RNGTT: variants seen among roughly 807,000 people sequenced by gnomAD.
The protein encoded by RNGTT is RNA guanylyltransferase and 5'-phosphatase.
A neutral mutation model predicts 79.3 loss-of-function variants in RNGTT; 33 were observed. The ratio of observed to expected loss-of-function variants is 0.42; its 90% CI spans 0.32 to 0.56. The LOEUF is 0.56. RNGTT is among the 20% of genes least tolerant of loss of function. The probability of loss-of-function intolerance (pLI) is 0.17; values close to 1 mark genes in which losing one functional copy is unlikely to be tolerated. For synonymous variants in RNGTT, 222 were observed against 235.9 expected (o/e 0.94, Z 0.54); for missense variants, 497 against 739.1 (o/e 0.67, Z 3.80).
At chr6:88,677,498 A>C (rs1774920705) in intron 14 of RNGTT, among the ~76,000 whole-genome samples, 1 of 152,032 alleles carries the variant, frequency 6.6e-6, no homozygotes, top group Admixed American at 6.6e-5. Context: ...GCAGAGTCTC[A>C]CTCTGTCACC....
chr6:88,632,181 C>T lies in RNGTT; in HGVS notation c.1507-17786G>A, dbSNP rs541214596. Among the ~76,000 whole-genome samples, 8 of 152,228 alleles carry T rather than the reference C, an allele frequency of 5.3e-5. No homozygotes were observed. The South Asian group carries it at 1.2e-3, about 24-fold the overall frequency. ...TTCACCATGTTGCCCAGGCTGGTCT[C>T]AAACACCCGGGCTGAAGCAACCCAT... On this transcript the variant is annotated intron_variant, in intron 14 of 15. Transcript: ENST00000369485.
intron 13 of RNGTT, among the ~76,000 whole-genome samples, chr6:88,747,913 T>G (rs1380730889): frequency 2.6e-5 from 4 of 152,126 alleles, no homozygotes; most frequent in Admixed American, 2.6e-4. Flanking sequence ...CTTCCAAGTA[T>G]CACACATTTC....
intron 14 of RNGTT, among the ~76,000 whole-genome samples, chr6:88,617,444 C>T (rs1380416601): frequency 2.6e-5 from 4 of 152,212 alleles, no homozygotes; most frequent in African/African-American, 9.7e-5. Flanking sequence ...TATTGATTGT[C>T]CCTTCCCATT....
chr6:88,639,594 C>T (rs1306288525), intron 14 of RNGTT, among the ~76,000 whole-genome samples: 1 of 152,058 alleles, frequency 6.6e-6, no homozygotes, highest in African/African-American at 2.4e-5. Context: ...ATAGTTCTTG[C>T]TGTATTACTC....
At chr6:88,711,832 T>C (rs1776330365) in intron 13 of RNGTT, among the ~76,000 whole-genome samples, 1 of 152,232 alleles carries the variant, frequency 6.6e-6, no homozygotes, top group South Asian at 2.1e-4. Flanking sequence ...TATTGTGTGG[T>C]AGGCACTGTT....
At chr6:88,867,204 C>T (rs1782202482) in intron 8 of RNGTT, among the ~76,000 whole-genome samples, 1 of 152,152 alleles carries the variant, frequency 6.6e-6, no homozygotes, top group South Asian at 2.1e-4. Context: ...AAGCCAGGGC[C>T]AGGCATGGTG....
chr6:88,724,231 A>G (rs1776807930), intron 13 of RNGTT, among the ~76,000 whole-genome samples: 1 of 152,150 alleles, frequency 6.6e-6, no homozygotes, highest in Non-Finnish European at 1.5e-5. Context: ...CTTCACACTC[A>G]CTCACCACTC....
intron 1 of RNGTT, among the ~76,000 whole-genome samples, chr6:88,943,750 C>T (rs1421461153): frequency 6.6e-6 from 1 of 152,200 alleles, no homozygotes; most frequent in Non-Finnish European, 1.5e-5. Flanking sequence ...TCCATCAGCT[C>T]TTTCAGGGTT....
At chr6:88,929,920 G>A (rs555361786) in intron 2 of RNGTT, among the ~76,000 whole-genome samples, 7 of 141,028 alleles carry the variant, frequency 5.0e-5, no homozygotes, top group East Asian at 4.0e-4. Context: ...ATATATACAC[G>A]TATATACATA....
intron 14 of RNGTT, among the ~76,000 whole-genome samples, chr6:88,641,956 A>G (rs929269614): frequency 6.6e-6 from 1 of 152,222 alleles, no homozygotes; most frequent in African/African-American, 2.4e-5. Context: ...TTTTAAACAT[A>G]CAAACACTGG....
At chr6:88,939,750 G>A (rs1396721353) in intron 2 of RNGTT, among the ~76,000 whole-genome samples, 2 of 150,812 alleles carry the variant, frequency 1.3e-5, no homozygotes, top group Admixed American at 6.6e-5. Flanking sequence ...CTGCACATCT[G>A]GTGTAACACT....
In RNGTT at chr6:88,963,286, T is replaced by A; in HGVS notation, c.64+60A>T. 3.2e-6 allele frequency: 5 copies of A among 1,569,490 alleles called. No homozygotes were observed. The South Asian group carries it at 5.6e-5, about 17-fold the overall frequency. On this transcript the variant is annotated intron_variant, in intron 1 of 15. Coordinates refer to ENST00000369485, the MANE Select transcript of RNGTT (RefSeq NM_003800.5). ...AACCACCAAAAGCTGAGCTCCTCAGTCGGCCCACCCCCGGGCACGTTGGAG... is the reference window on the plus strand; with the variant it reads ...AACCACCAAAAGCTGAGCTCCTCAGACGGCCCACCCCCGGGCACGTTGGAG...
At chr6:88,720,842 A>T (rs920477446) in intron 13 of RNGTT, among the ~76,000 whole-genome samples, 3 of 152,146 alleles carry the variant, frequency 2.0e-5, no homozygotes, top group African/African-American at 7.2e-5. Context: ...TAGCTGAGAA[A>T]AGCTTCTGGA....
At chr6:88,898,616 T>C (rs1228325673) in intron 6 of RNGTT, among the ~76,000 whole-genome samples, 3 of 151,060 alleles carry the variant, frequency 2.0e-5, no homozygotes, top group African/African-American at 7.3e-5. Flanking sequence ...ATTACTTTTA[T>C]ATAGGACTTA....
intron 11 of RNGTT, among the ~76,000 whole-genome samples, chr6:88,835,261 T>C (rs1033615910): frequency 1.3e-5 from 2 of 151,906 alleles, no homozygotes; most frequent in Non-Finnish European, 2.9e-5. Context: ...GACTTGCTTA[T>C]TTTTTTTAAT....
At chr6:88,619,781 C>T (rs1469497074) in intron 14 of RNGTT, among the ~76,000 whole-genome samples, 1 of 151,980 alleles carries the variant, frequency 6.6e-6, no homozygotes, top group East Asian at 1.9e-4. Context: ...AGTAAATGAA[C>T]TCAAACAAAA....
intron 9 of RNGTT, among the ~76,000 whole-genome samples, chr6:88,852,316 A>G (rs573271239): frequency 5.8e-4 from 88 of 152,274 alleles, no homozygotes; most frequent in African/African-American, 2.1e-3. Context: ...ATTATAAACT[A>G]TACTAAACTT....
chr6:88,638,231 T>C (rs1296547210), intron 14 of RNGTT, among the ~76,000 whole-genome samples: 2 of 152,178 alleles, frequency 1.3e-5, no homozygotes, highest in East Asian at 3.8e-4. Context: ...GCCAAATTTC[T>C]CTATTGGTTA....
chr6:88,738,837 A>AAAACACAC (rs1554211724), intron 13 of RNGTT, among the ~76,000 whole-genome samples: 1 of 128,254 alleles, frequency 7.8e-6, no homozygotes, highest in Non-Finnish European at 1.7e-5. Context: ...CTATAAATAA[A>AAAACACAC]ATACACACAC....
Sources: allele counts gnomAD v4.1 joint callset (sites outside exome capture counted in the v4.1 genomes callset), GRCh38; gene constraint gnomAD v4.1.1; transcripts MANE v1.5; gene names NCBI Gene and HGNC (gene_info 2026-07-23, HGNC 2026-07-21).